RASSF6: variants seen among roughly 807,000 people sequenced by gnomAD.
RASSF6 encodes Ras association domain family member 6.
Under a neutral mutation model 44.0 loss-of-function variants are expected in RASSF6, and 52 were observed. The ratio of observed to expected loss-of-function variants is 1.18; its 90% CI spans 0.95 to 1.49. RASSF6 has a LOEUF of 1.49. Among genes scored for constraint, RASSF6 ranks in the 40% most tolerant of loss-of-function variants. The pLI, the probability that RASSF6 is intolerant of heterozygous loss-of-function variation, is 0.00. For missense variants in RASSF6, 464 were observed against 393.3 expected (o/e 1.18, Z -1.52); for synonymous variants, 162 against 124.6 (o/e 1.30, Z -2.00).
intron 1 of RASSF6, among the ~76,000 whole-genome samples, chr4:73,613,759 A>C (rs942346824): frequency 4.6e-5 from 7 of 152,010 alleles, no homozygotes; most frequent in African/African-American, 1.7e-4. Context: ...ATGAATAACA[A>C]TCACCTCACT....
chr4:73,608,490 G>A (rs1198837299), intron 2 of RASSF6, among the ~76,000 whole-genome samples: 1 of 152,120 alleles, frequency 6.6e-6, no homozygotes. Flanking sequence ...AATAACAGAT[G>A]TGATACCCAG....
chr4:73,588,007 A>T, intron 4 of RASSF6, 73 bp from the exon 5 acceptor site: 6 of 955,126 alleles, frequency 6.3e-6, no homozygotes, highest in East Asian at 2.5e-5. Context: ...CCAGATTTAC[A>T]ATATTAATAT....
chr4:73,596,807 G>T (rs530856396), intron 3 of RASSF6, among the ~76,000 whole-genome samples: 1 of 152,208 alleles, frequency 6.6e-6, no homozygotes, highest in South Asian at 2.1e-4. Flanking sequence ...AGAGAACCCA[G>T]AAATGAGACT....
chr4:73,611,725 G>T lies in RASSF6; in HGVS notation c.65+6C>A, dbSNP rs762503384. ...GGACAATGTATAATATAAGGTGTGT[G>T]GTTACCTGGTTATGAATGTCTTCTC... On this transcript the variant is annotated splice_donor_region_variant and intron_variant, in intron 2 of 10. Coordinates refer to ENST00000307439, the MANE Select transcript of RASSF6 (RefSeq NM_177532.5). 5.7e-6 allele frequency: 9 copies of T among 1,571,084 alleles called. No individual in the cohort carries two copies. In the Admixed American group the frequency reaches 1.5e-4, roughly 26 times the overall value.
At chr4:73,616,022 A>G in intron 1 of RASSF6, 1 of 1,243,160 alleles carries the variant, frequency 8.0e-7, no homozygotes, top group Non-Finnish European at 1.1e-6. Flanking sequence ...TTACATATCT[A>G]AAAGTGGAAA....
At chr4:73,588,611 C>T (rs1264232983) in intron 4 of RASSF6, among the ~76,000 whole-genome samples, 3 of 151,988 alleles carry the variant, frequency 2.0e-5, no homozygotes, top group African/African-American at 7.2e-5. Flanking sequence ...TTCTTATCCC[C>T]TCTGTGCCTG....
rs963155970 is a variant in RASSF6, at chr4:73,573,010, G to A, written c.*3225C>T. The A allele has an allele frequency of 6.6e-6, 1 of 151,582 alleles. No individual in the cohort carries two copies. Among genetic ancestry groups the A allele is most frequent in the South Asian group, 2.1e-4 (1 of 4,814 alleles). The allele number at this position is 151,582 out of a possible 1,614,324, so 9.4% of individuals were successfully genotyped here. A position where few individuals can be genotyped will look rare whatever the true frequency, so the allele number is the denominator to read the frequency against. Reference sequence around the variant, plus strand: ...CCTTAAGTACATAATAAATATTTTGGAACATGTGTATGTGTATATTCTTAT... The same window carrying A: ...CCTTAAGTACATAATAAATATTTTGAAACATGTGTATGTGTATATTCTTAT... On this transcript the variant is annotated 3_prime_UTR_variant, in exon 11 of 11. Transcript: ENST00000307439.
rs761675527 is a variant in RASSF6 at position 73,611,734 on chromosome 4, G to T, written c.62C>A (p.Thr21Asn). 1.3e-6 allele frequency: 2 copies of T among 1,594,694 alleles called. No homozygotes were observed. Among genetic ancestry groups the T allele is most frequent in the Non-Finnish European group, 1.7e-6 (2 of 1,163,086 alleles). ...ATAATATAAGGTGTGTGGTTACCTG[G>T]TTATGAATGTCTTCTCATTAATGAA... ...WIFINEKTFI[T>N]REQLNSLLKT... is the part of the protein sequence containing the mutation. The change falls in exon 2 of 11, where the codon ACC (threonine) becomes AAC (asparagine). Residue 21 changes from threonine to asparagine, a missense_variant. By Grantham distance (65) the Thr-to-Asn change is moderately conservative. Coordinates refer to ENST00000307439, the MANE Select transcript of RASSF6 (RefSeq NM_177532.5).
intron 1 of RASSF6, among the ~76,000 whole-genome samples, chr4:73,614,354 G>C (rs1726210085): frequency 6.6e-6 from 1 of 152,314 alleles, no homozygotes; most frequent in South Asian, 2.1e-4. Context: ...GTATTAACAG[G>C]TGAGGACTTT....
intron 2 of RASSF6, among the ~76,000 whole-genome samples, chr4:73,605,661 C>A (rs1247874236): frequency 6.6e-6 from 1 of 152,210 alleles, no homozygotes; most frequent in Non-Finnish European, 1.5e-5. Context: ...GAGAAGTAGT[C>A]TATCTCGATT....
At chr4:73,604,697 A>G (rs1725505479) in intron 2 of RASSF6, 3 of 152,192 alleles carry the variant, frequency 2.0e-5, no homozygotes, top group African/African-American at 7.2e-5. Context: ...TAACAATTTC[A>G]TATGTCAGGT....
At chr4:73,602,797 C>A (rs1047325531) in intron 2 of RASSF6, among the ~76,000 whole-genome samples, 24 of 152,240 alleles carry the variant, frequency 1.6e-4, no homozygotes, top group South Asian at 1.0e-3. Flanking sequence ...AAGAAATAGA[C>A]ACAAGTTTCG....
At chr4:73,590,162 A>G (rs752675463) in intron 4 of RASSF6, among the ~76,000 whole-genome samples, 2 of 152,244 alleles carry the variant, frequency 1.3e-5, no homozygotes, top group Non-Finnish European at 2.9e-5. Context: ...TTGTTTCCAT[A>G]AAGAATAACA....
chr4:73,583,170 G>C (rs961603524), intron 6 of RASSF6, among the ~76,000 whole-genome samples: 3 of 152,036 alleles, frequency 2.0e-5, no homozygotes, highest in Admixed American at 6.6e-5. Context: ...CCCACTAAAT[G>C]CCCACGAACT....
intron 8 of RASSF6, among the ~76,000 whole-genome samples, chr4:73,577,458 A>G (rs1032013183): frequency 6.6e-6 from 1 of 152,180 alleles, no homozygotes; most frequent in Non-Finnish European, 1.5e-5. Context: ...CCTTATATTC[A>G]TCTTATTTCC....
intron 2 of RASSF6, chr4:73,604,575 A>C (rs1228529450): frequency 6.6e-6 from 1 of 152,218 alleles, no homozygotes; most frequent in Non-Finnish European, 1.5e-5. Context: ...AACAGACTTC[A>C]GCAGGTGAAA....
At chr4:73,595,502 A>G (rs569114433) in intron 3 of RASSF6, among the ~76,000 whole-genome samples, 1 of 152,198 alleles carries the variant, frequency 6.6e-6, no homozygotes, top group Non-Finnish European at 1.5e-5. Flanking sequence ...CCTGACCTGA[A>G]TAACTTTTGT....
At chr4:73,611,289 C>T (rs1028504934) in intron 2 of RASSF6, among the ~76,000 whole-genome samples, 2 of 152,114 alleles carry the variant, frequency 1.3e-5, no homozygotes, top group South Asian at 4.1e-4. Context: ...ACAAGAAAAG[C>T]TGTGGATGTT....
Position 73,581,881 on chromosome 4 carries a change from A to AAAATG in RASSF6, c.670-18_670-14dup. On this transcript the variant is annotated splice_polypyrimidine_tract_variant and intron_variant, in intron 7 of 10. Coordinates refer to ENST00000307439, the MANE Select transcript of RASSF6 (RefSeq NM_177532.5). Reference sequence around the variant, plus strand: ...GACTATTTTCAATCTGTCAAGGGAAAAAATGAACAAATATAAATTCTTTGT... The same window carrying AAAATG: ...GACTATTTTCAATCTGTCAAGGGAAAAAATGAAATGAACAAATATAAATTCTTTGT... 1 of 1,599,240 alleles carries AAAATG rather than the reference A, an allele frequency of 6.3e-7. No homozygotes were observed. The highest frequency in any genetic ancestry group is 1.1e-5 in the South Asian group (1 of 90,410).
Sources: gnomAD v4.1 joint callset for allele counts (sites outside exome capture counted in the v4.1 genomes callset) on GRCh38, gnomAD v4.1.1 for gene constraint, MANE v1.5 for transcripts, NCBI Gene and HGNC (gene_info 2026-07-23, HGNC 2026-07-21) for gene names.